The following METAP2 variants were observed in gnomAD, a reference collection of about 807,000 sequenced individuals.
METAP2 encodes methionyl aminopeptidase 2.
In METAP2, 25 loss-of-function variants were observed where a neutral mutation model predicts 59.4. That is an observed-to-expected ratio of 0.42 (90% CI 0.31 to 0.59). The LOEUF (loss-of-function observed/expected upper bound fraction) is 0.59. Among genes scored for constraint, METAP2 ranks in the 20% least tolerant of loss-of-function variants. METAP2 has a pLI of 0.16. For missense variants in METAP2, 366 were observed against 581.2 expected, an observed-to-expected ratio of 0.63 and a Z score of 3.81; for synonymous variants, 214 against 194.1, an observed-to-expected ratio of 1.10 and a Z score of -0.85.
chr12:95,484,457 C>T lies in METAP2; in HGVS notation c.325+1177C>T, dbSNP rs1001215385. ...GTTTGGCTATAAGAAATAGTGTTAC[C>T]TGAGAATGAATTAAGAGATACCTAT... is the stretch of plus-strand genomic sequence containing the variant. On this transcript the variant is annotated intron_variant, in intron 3 of 10. Coordinates refer to ENST00000323666, the MANE Select transcript of METAP2 (RefSeq NM_006838.4). Among the ~76,000 whole-genome samples the T allele has an allele frequency of 6.6e-5, 10 of 150,924 alleles. 2 individuals carry two copies. Among genetic ancestry groups the T allele is most frequent in the Admixed American group, 4.6e-4 (7 of 15,186 alleles).
rs747412133 is a variant in METAP2 at position 95,494,182 on chromosome 12, C to T, written c.555C>T (p.Ser185=). 1 of 1,613,954 alleles carries T rather than the reference C, an allele frequency of 6.2e-7. No individual in the cohort carries two copies. Among genetic ancestry groups the T allele is most frequent in the Non-Finnish European group, 8.5e-7 (1 of 1,179,924 alleles). Residue 185 remains serine, a synonymous_variant, in exon 5 of 11, where the codon AGC becomes AGT. Coordinates refer to ENST00000323666, the MANE Select transcript of METAP2 (RefSeq NM_006838.4). ...GACAAGTTAGAAAATACGTAATGAGCTGGATCAAGCCTGGGATGACAATGA... is the reference window on the plus strand; with the variant it reads ...GACAAGTTAGAAAATACGTAATGAGTTGGATCAAGCCTGGGATGACAATGA... ...AHRQVRKYVM[S]WIKPGMTMIE... is the part of the protein sequence containing the mutation.
At chr12:95,494,566 A>G (rs1307151925) in intron 5 of METAP2, among the ~76,000 whole-genome samples, 1 of 152,222 alleles carries the variant, frequency 6.6e-6, no homozygotes, top group Non-Finnish European at 1.5e-5. Context: ...AACCAATTCA[A>G]GTAATTATTC....
At chr12:95,479,585 T>C (rs888870076) in intron 2 of METAP2, among the ~76,000 whole-genome samples, 17 of 152,026 alleles carry the variant, frequency 1.1e-4, no homozygotes, top group African/African-American at 3.9e-4. Context: ...CATTAACATA[T>C]AATTTCCCTA....
At chr12:95,504,343 A>G (rs2076340751) in intron 8 of METAP2, among the ~76,000 whole-genome samples, 182 bp downstream of exon 8, 1 of 152,122 alleles carries the variant, frequency 6.6e-6, no homozygotes, top group Non-Finnish European at 1.5e-5. Flanking sequence ...TTGCCAAGCC[A>G]CTCTGTTAGC....
intron 4 of METAP2, among the ~76,000 whole-genome samples, chr12:95,486,648 C>A (rs570753248): frequency 6.6e-6 from 1 of 152,112 alleles, no homozygotes; most frequent in African/African-American, 2.4e-5. Context: ...CACGCATGCA[C>A]CACCATGCCT....
At chr12:95,479,323 A>T (rs1322049128) in intron 2 of METAP2, among the ~76,000 whole-genome samples, 1 of 152,216 alleles carries the variant, frequency 6.6e-6, no homozygotes, top group Non-Finnish European at 1.5e-5. Context: ...TTCTGGGAGC[A>T]GGAGTAAGGC....
intron 7 of METAP2, among the ~76,000 whole-genome samples, chr12:95,498,897 CCCAGCT>C: frequency 6.6e-6 from 1 of 151,924 alleles, no homozygotes; most frequent in African/African-American, 2.4e-5. Context: ...CCCTTGTGGT[CCCAGCT>C]ACTCAGGAGG....
At chr12:95,487,686 C>T (rs2076207700) in intron 4 of METAP2, among the ~76,000 whole-genome samples, 1 of 150,688 alleles carries the variant, frequency 6.6e-6, no homozygotes, top group Admixed American at 6.6e-5. Context: ...TTTCTATGCT[C>T]ATATATGTAT....
At chr12:95,486,369 A>C (rs2076196977) in intron 4 of METAP2, among the ~76,000 whole-genome samples, 1 of 151,782 alleles carries the variant, frequency 6.6e-6, no homozygotes, top group African/African-American at 2.4e-5. Context: ...CTATATCTTT[A>C]CTTTTTTTTT....
At chr12:95,482,616 T>TAAA (rs55652210) in intron 2 of METAP2, among the ~76,000 whole-genome samples, 1 of 130,126 alleles carries the variant, frequency 7.7e-6, no homozygotes, top group Non-Finnish European at 1.6e-5. Flanking sequence ...CCATCTCTAC[T>TAAA]AAAAAAAAAA....
chr12:95,488,365 C>T (rs1293123027), intron 4 of METAP2, among the ~76,000 whole-genome samples: 1 of 151,486 alleles, frequency 6.6e-6, no homozygotes, highest in African/African-American at 2.4e-5. Context: ...AAAAATTAGC[C>T]GGGTGCAGTG....
intron 7 of METAP2, among the ~76,000 whole-genome samples, chr12:95,501,925 C>T (rs1037614835): frequency 6.7e-5 from 10 of 150,192 alleles, no homozygotes; most frequent in South Asian, 2.1e-4. Flanking sequence ...CAGGCCCGGT[C>T]TAGTAGTAAT....
chr12:95,488,795 T>C (rs2140146227), intron 4 of METAP2, among the ~76,000 whole-genome samples: 1 of 152,284 alleles, frequency 6.6e-6, no homozygotes, highest in East Asian at 1.9e-4. Context: ...ACTGATCTGT[T>C]TCTTCTTAGG....
intron 7 of METAP2, among the ~76,000 whole-genome samples, chr12:95,500,043 G>A (rs539330445): frequency 1.3e-4 from 20 of 152,212 alleles, no homozygotes; most frequent in Middle Eastern, 3.4e-3. Context: ...GAGTCAAACC[G>A]TATCAGATGT....
At chr12:95,496,351 A>G (rs138754219) in intron 7 of METAP2, among the ~76,000 whole-genome samples, 89 of 152,050 alleles carry the variant, frequency 5.9e-4, no homozygotes, top group Admixed American at 1.2e-3. Context: ...GTTTGGATCT[A>G]TTTTTGCCTG....
chr12:95,497,527 G>A (rs368147551), intron 7 of METAP2, among the ~76,000 whole-genome samples: 12 of 152,314 alleles, frequency 7.9e-5, no homozygotes, highest in East Asian at 3.9e-4. Flanking sequence ...GAATATTGCT[G>A]CTATGAATAC....
At chr12:95,509,787 A>G (rs1466582275) in intron 8 of METAP2, among the ~76,000 whole-genome samples, 1 of 151,216 alleles carries the variant, frequency 6.6e-6, no homozygotes, top group East Asian at 1.9e-4. Context: ...GAAGAAAGGT[A>G]GCTCATACTG....
chr12:95,509,993 C>G (rs1473510038), intron 8 of METAP2, among the ~76,000 whole-genome samples: 3 of 151,912 alleles, frequency 2.0e-5, no homozygotes, highest in African/African-American at 7.3e-5. Flanking sequence ...TGTGTCACCA[C>G]GCCCAGCTAA....
At chr12:95,487,591 A>T (rs1331682965) in intron 4 of METAP2, among the ~76,000 whole-genome samples, 7 of 141,366 alleles carry the variant, frequency 5.0e-5, no homozygotes, top group East Asian at 4.1e-4. Context: ...TAATCTCTTA[A>T]TTTTTTTTTT....
Sources: gnomAD v4.1 joint callset for allele counts (sites outside exome capture counted in the v4.1 genomes callset) on GRCh38, gnomAD v4.1.1 for gene constraint, MANE v1.5 for transcripts, NCBI Gene and HGNC (gene_info 2026-07-23, HGNC 2026-07-21) for gene names.